Variants in WNK2 observed in about 807,000 individuals in gnomAD.
WNK2 encodes WNK lysine deficient protein kinase 2.
WNK2 carries 67 observed loss-of-function variants against 192.1 expected under a neutral mutation model. That is an observed-to-expected ratio of 0.35 (90% CI 0.29 to 0.43). The LOEUF (loss-of-function observed/expected upper bound fraction) is 0.43, where lower values mean the gene tolerates loss of function less well. Ranked by LOEUF, WNK2 falls within the 20% of genes least tolerant of loss-of-function variation. The pLI is 1.00. For synonymous variants in WNK2, 1,439 were observed against 1,393.9 expected (o/e 1.03, Z -0.72); for missense variants, 2,698 against 3,089.7 (o/e 0.87, Z 3.01).
intron 2 of WNK2, among the ~76,000 whole-genome samples, chr9:93,194,381 G>A (rs540321186): frequency 6.6e-6 from 1 of 151,970 alleles, no homozygotes; most frequent in African/African-American, 2.4e-5. Flanking sequence ...AAAACAATCA[G>A]CTAAAAAAAT....
At chr9:93,302,495 G>C (rs1851786825) in intron 26 of WNK2, among the ~76,000 whole-genome samples, 1 of 152,188 alleles carries the variant, frequency 6.6e-6, no homozygotes, top group Non-Finnish European at 1.5e-5. Context: ...TCACTGCCCT[G>C]GTGTGGGGCA....
chr9:93,265,101 CAG>C (rs1239728456), intron 16 of WNK2, among the ~76,000 whole-genome samples: 9 of 152,366 alleles, frequency 5.9e-5, no homozygotes, highest in Admixed American at 3.3e-4. Context: ...ATCCCAGGTC[CAG>C]AGCATAATCC....
chr9:93,233,453 T>A (rs567909549), intron 4 of WNK2, among the ~76,000 whole-genome samples: 1 of 152,154 alleles, frequency 6.6e-6, no homozygotes, highest in East Asian at 1.9e-4. Flanking sequence ...CCCAGTACTT[T>A]GGGAGGCTGA....
At chr9:93,298,939 G>A (rs753627623) in intron 24 of WNK2, 131 bp from the exon 25 acceptor site, 283 of 915,934 alleles carry the variant, frequency 3.1e-4, no homozygotes, top group Non-Finnish European at 3.5e-4. Context: ...GTGGCCATGT[G>A]CCTGTGGTCT....
At chr9:93,281,792 T>C (rs568616773) in intron 19 of WNK2, among the ~76,000 whole-genome samples, 1 of 152,188 alleles carries the variant, frequency 6.6e-6, no homozygotes, top group South Asian at 2.1e-4. Context: ...CTTTAAAGGT[T>C]TGGAAGCCCC....
chr9:93,289,943 T>C, intron 20 of WNK2, 35 bp from the exon 21 acceptor site: 1 of 1,544,746 alleles, frequency 6.5e-7, no homozygotes, highest in African/African-American at 1.4e-5. Context: ...CCTGTGAGTC[T>C]CACGGCTCTT....
Position 93,239,912 on chromosome 9 carries a change from A to C in WNK2, c.1478A>C (p.Asn493Thr). 1 of 1,612,152 alleles carries C rather than the reference A, an allele frequency of 6.2e-7. No homozygotes were observed. The highest frequency in any genetic ancestry group is 8.5e-7 in the Non-Finnish European group (1 of 1,179,146). Residue 493 changes from asparagine to threonine, a missense_variant, in exon 7 of 30, where the codon AAT (asparagine) becomes ACT (threonine). Asn to Thr is a moderately conservative substitution (Grantham distance 65, BLOSUM62 0). This residue lies in a region of WNK2 where 230 missense variants were observed against 501.1 expected (regional missense o/e 0.46). Transcript: ENST00000427277. The surrounding 1 kb of genome is among the most constrained non-coding windows in gnomAD (Gnocchi z 4.2). Reference protein sequence around the residue: ...PKKLKGKPKDNGAIEFTFDLE... With the variant: ...PKKLKGKPKDTGAIEFTFDLE... ...AAACTGAAGGGAAAGCCCAAGGACA[A>C]TGGAGCCATAGAGTTCACCTTCGAC...
chr9:93,314,488 T>C (rs1234341830), intron 28 of WNK2, among the ~76,000 whole-genome samples: 2 of 151,666 alleles, frequency 1.3e-5, no homozygotes, highest in Non-Finnish European at 2.9e-5. Context: ...ATACCTATAG[T>C]TACAGCTACT....
At chr9:93,261,393 C>T (rs922240466) in intron 12 of WNK2, among the ~76,000 whole-genome samples, 1 of 152,204 alleles carries the variant, frequency 6.6e-6, no homozygotes, top group Non-Finnish European at 1.5e-5. Flanking sequence ...CGCAGTCGCC[C>T]TCCAGGAGGC....
Position 93,293,972 on chromosome 9 carries a change from C to T in WNK2, c.5708+799C>T, listed in dbSNP as rs180863550. Among the ~76,000 whole-genome samples, 275 of 152,220 alleles carry T rather than the reference C, an allele frequency of 1.8e-3. 2 individuals carry two copies. The highest frequency in any genetic ancestry group is 6.4e-3 in the African/African-American group (266 of 41,524). On this transcript the variant is annotated intron_variant, in intron 23 of 29. Coordinates refer to ENST00000427277, the MANE Select transcript of WNK2 (RefSeq NM_006648.4). The stretch of plus-strand genomic sequence containing the variant: ...TCTCTCTCCCACCCTCCTTCTTTCT[C>T]TTCCTCTCTCTTTCTCCATGTCTCT...
Position 93,289,337 on chromosome 9 carries a change from C to A in WNK2, c.4583C>A (p.Pro1528His). Reference sequence around the variant, plus strand: ...GGGCCCACCGTCCCCCCACAGCCACCCTCGGCCCTGGAGTCGGATGGGGAA... The same window carrying A: ...GGGCCCACCGTCCCCCCACAGCCACACTCGGCCCTGGAGTCGGATGGGGAA... ...PLGPTVPPQP[P>H]SALESDGEGP... The change falls in exon 20 of 30, where the codon CCC (proline) becomes CAC (histidine). Residue 1528 changes from proline to histidine, a missense_variant. Transcript: ENST00000427277. 1 of 1,606,312 alleles carries A rather than the reference C, an allele frequency of 6.2e-7. No individual in the cohort carries two copies. The highest frequency in any genetic ancestry group is 8.5e-7 in the Non-Finnish European group (1 of 1,176,826).
intron 23 of WNK2, among the ~76,000 whole-genome samples, chr9:93,294,081 C>T (rs1849833891): frequency 6.6e-6 from 1 of 152,166 alleles, no homozygotes; most frequent in Non-Finnish European, 1.5e-5. Context: ...GGGCTAACAC[C>T]AAATTCACCA....
At chr9:93,241,558 G>T (rs1052015759) in intron 7 of WNK2, among the ~76,000 whole-genome samples, 6 of 152,064 alleles carry the variant, frequency 3.9e-5, no homozygotes, top group African/African-American at 1.5e-4. Context: ...CTGGGTCTCA[G>T]TAAAAAGAAG....
chr9:93,231,745 T>C (rs1435670858), intron 4 of WNK2, among the ~76,000 whole-genome samples: 1 of 152,214 alleles, frequency 6.6e-6, no homozygotes, highest in Admixed American at 6.5e-5. Context: ...ACAGACGCCC[T>C]CCTGTGAGAA....
intron 16 of WNK2, 66 bp downstream of exon 16, chr9:93,264,099 G>A (rs994972704): frequency 3.6e-5 from 45 of 1,243,840 alleles, no homozygotes; most frequent in South Asian, 8.9e-5. Flanking sequence ...TGAGCAGAGC[G>A]CCACAGGTCA....
At chr9:93,275,724 A>G (rs572115597) in intron 19 of WNK2, among the ~76,000 whole-genome samples, 1 of 152,368 alleles carries the variant, frequency 6.6e-6, no homozygotes, top group South Asian at 2.1e-4. Flanking sequence ...CTACAGCAAC[A>G]ACTTCTAGAA....
At chr9:93,193,585 C>T (rs1454333063) in intron 2 of WNK2, among the ~76,000 whole-genome samples, 4 of 152,198 alleles carry the variant, frequency 2.6e-5, no homozygotes, top group African/African-American at 7.2e-5. Flanking sequence ...TGAACGGCAG[C>T]AGCTGGGATT....
rs192784543 is a variant in WNK2 at position 93,257,927 on chromosome 9, C to T, written c.2382+788C>T. 1.3e-5 allele frequency among the ~76,000 whole-genome samples: 2 copies of T among 152,218 alleles called. No individual in the cohort carries two copies. The highest frequency in any genetic ancestry group is 2.9e-5 in the Non-Finnish European group (2 of 68,040). Reference sequence around the variant, plus strand: ...GGATTCTAGGTACTCCCGAGGGCTTCGGTGACCCGGACAGGCTGATCAGTG... The same window carrying T: ...GGATTCTAGGTACTCCCGAGGGCTTTGGTGACCCGGACAGGCTGATCAGTG... On this transcript the variant is annotated intron_variant, in intron 11 of 29. Transcript: ENST00000427277. The surrounding 1 kb of genome is among the most constrained non-coding windows in gnomAD (Gnocchi z 4.7).
rs1173551692 is a variant in WNK2 at position 93,317,921 on chromosome 9, G to C, written c.6628+290G>C. ...AGAAACCAGGTGTGGTTTGGCCTCC[G>C]AGTCCCCCCCACCGCCTGCTGTGGG... On this transcript the variant is annotated intron_variant, in intron 29 of 29. Transcript: ENST00000427277. 3.1e-6 allele frequency: 5 copies of C among 1,600,196 alleles called. No individual in the cohort carries two copies. In the East Asian group the frequency reaches 1.1e-4, roughly 36 times the overall value.
Sources: allele counts gnomAD v4.1 joint callset (sites outside exome capture counted in the v4.1 genomes callset), GRCh38; gene constraint gnomAD v4.1.1; regional missense constraint gnomAD v4.1.1; non-coding constraint Gnocchi (gnomAD v3.1); transcripts MANE v1.5; gene names NCBI Gene and HGNC (gene_info 2026-07-23, HGNC 2026-07-21).